The following RUVBL1 variants were observed in gnomAD, a reference collection of about 807,000 sequenced individuals.
RUVBL1 encodes RuvB like AAA ATPase 1, also known as ruvB-like 1.
RUVBL1 carries 4 observed loss-of-function variants against 52.4 expected under a neutral mutation model. The observed-to-expected ratio is 0.08, with a 90% CI of 0.04 to 0.17. RUVBL1 has a LOEUF of 0.17. RUVBL1 is among the 10% of genes least tolerant of loss of function. The pLI, the probability that RUVBL1 is intolerant of heterozygous loss-of-function variation, is 1.00. For missense variants in RUVBL1, 298 were observed against 572.8 expected (o/e 0.52, Z 4.90); for synonymous variants, 217 against 214.4 (o/e 1.01, Z -0.10).
intron 1 of RUVBL1, among the ~76,000 whole-genome samples, chr3:128,121,843 A>G (rs893190147): frequency 3.3e-5 from 5 of 152,026 alleles, no homozygotes; most frequent in Non-Finnish European, 7.4e-5. Context: ...ATGTGCGTTT[A>G]TTTACAGACC....
At chr3:128,094,796 G>A (rs1201938794) in intron 8 of RUVBL1, among the ~76,000 whole-genome samples, 1 of 152,186 alleles carries the variant, frequency 6.6e-6, no homozygotes, top group African/African-American at 2.4e-5. Flanking sequence ...TGGTTCTGGG[G>A]GGTAAGGAAG....
chr3:128,112,846 G>T (rs775361816), intron 3 of RUVBL1, 42 bp downstream of exon 3: 6 of 1,604,378 alleles, frequency 3.7e-6, no homozygotes, highest in Non-Finnish European at 5.1e-6. Context: ...ACAGGCTTCA[G>T]GAAGTGAGAC....
In RUVBL1 at chr3:128,067,809, T is replaced by A. The variant is rs978516174; in HGVS notation, c.940-2589A>T. ...TCAGCTGTGGGTATGAGAATCTGAA[T>A]CCACACTGTAAAGTTAGACTTTTTC... On this transcript the variant is annotated intron_variant, in intron 9 of 9. Coordinates refer to the RUVBL1 transcript ENST00000464873. This position sits in a 1 kb window ranked among gnomAD's most constrained non-coding sequence, Gnocchi z 4.1. 8 of 683,054 alleles carry A rather than the reference T, an allele frequency of 1.2e-5. No homozygotes were observed. The highest frequency in any genetic ancestry group is 1.8e-5 in the Non-Finnish European group (7 of 394,974). The allele number at this position is 683,054 out of a possible 1,614,324, so 42.3% of individuals were successfully genotyped here.
chr3:128,105,126 T>C (rs946987530), intron 3 of RUVBL1, among the ~76,000 whole-genome samples: 2 of 151,600 alleles, frequency 1.3e-5, no homozygotes, highest in Non-Finnish European at 2.9e-5. Context: ...TTTTTTTTTT[T>C]TTTTGAGATA....
At chr3:128,091,366 T>G (rs898662692) in intron 8 of RUVBL1, among the ~76,000 whole-genome samples, 2 of 152,248 alleles carry the variant, frequency 1.3e-5, no homozygotes. Context: ...AAACTGCTAA[T>G]AAGAAGCTGG....
At chr3:128,087,842 C>A in intron 8 of RUVBL1, 34 bp from the exon 9 acceptor site, 1 of 1,469,588 alleles carries the variant, frequency 6.8e-7, no homozygotes, top group Admixed American at 1.7e-5. Flanking sequence ...ATCACCTAAG[C>A]CTCTGTTAGA....
intron 1 of RUVBL1, among the ~76,000 whole-genome samples, chr3:128,120,039 G>A (rs766758703): frequency 5.3e-5 from 8 of 152,202 alleles, no homozygotes; most frequent in Non-Finnish European, 1.0e-4. Context: ...TTAAAAGATG[G>A]TGCTAGCTAC....
chr3:128,077,428 G>A (rs1344777152), downstream of RUVBL1, among the ~76,000 whole-genome samples: 3 of 152,226 alleles, frequency 2.0e-5, no homozygotes, highest in African/African-American at 7.2e-5. Flanking sequence ...GAACTTCTGT[G>A]TGGAGAATGA....
intron 9 of RUVBL1, chr3:128,084,608 T>G (rs1381705126): frequency 1.3e-5 from 2 of 151,984 alleles, no homozygotes; most frequent in Non-Finnish European, 2.9e-5. Flanking sequence ...TCTCTCTCAC[T>G]AGAGAGAGCA....
chr3:128,087,448 G>A (rs1329836584), intron 9 of RUVBL1, among the ~76,000 whole-genome samples: 4 of 152,204 alleles, frequency 2.6e-5, no homozygotes, highest in Non-Finnish European at 5.9e-5. Context: ...ATCAAAGGGG[G>A]AACAGCAGAA....
At chr3:128,099,746 G>C (rs1943071833) in intron 6 of RUVBL1, among the ~76,000 whole-genome samples, 1 of 152,220 alleles carries the variant, frequency 6.6e-6, no homozygotes, top group Non-Finnish European at 1.5e-5. Flanking sequence ...AATGTTTCCT[G>C]TCTGGTCCTC....
intron 1 of RUVBL1, among the ~76,000 whole-genome samples, chr3:128,129,410 A>G (rs1003592464): frequency 6.6e-6 from 1 of 152,196 alleles, no homozygotes; most frequent in African/African-American, 2.4e-5. Flanking sequence ...CAGCAAAAGC[A>G]GTGTTAAGAG....
downstream of RUVBL1, among the ~76,000 whole-genome samples, chr3:128,076,558 G>T (rs1449575879): frequency 6.6e-6 from 1 of 152,202 alleles, no homozygotes; most frequent in Non-Finnish European, 1.5e-5. The surrounding 1 kb of genome is among the most constrained non-coding windows in gnomAD (Gnocchi z 6.8). Context: ...GACCGAAGAG[G>T]CTGGTGGACC....
upstream of RUVBL1, among the ~76,000 whole-genome samples, chr3:128,125,330 T>C (rs1943770228): frequency 6.6e-6 from 1 of 152,172 alleles, no homozygotes; most frequent in Non-Finnish European, 1.5e-5. Context: ...CACCTCCTTG[T>C]ACATCTTGAT....
intron 8 of RUVBL1, among the ~76,000 whole-genome samples, chr3:128,092,564 A>G (rs1438079817): frequency 1.3e-5 from 2 of 152,228 alleles, no homozygotes; most frequent in African/African-American, 4.8e-5. Flanking sequence ...CATTTCTCCA[A>G]AGACAATATA....
downstream of RUVBL1, chr3:128,079,105 T>C (rs899194304): frequency 6.6e-6 from 1 of 152,382 alleles, no homozygotes; most frequent in Admixed American, 6.5e-5. Context: ...TGAGATCTGC[T>C]GTCAGCGCCA....
chr3:128,141,955 A>G (rs1034466059), intron 1 of RUVBL1: 7 of 152,142 alleles, frequency 4.6e-5, no homozygotes, highest in African/African-American at 1.7e-4. Flanking sequence ...TAATTTTAGT[A>G]TATGTGCTGC....
chr3:128,153,024 T>G (rs1287045665), intron 1 of RUVBL1, among the ~76,000 whole-genome samples: 2 of 98,834 alleles, frequency 2.0e-5, no homozygotes, highest in Non-Finnish European at 4.0e-5. Context: ...CCCCCCATGT[T>G]CCGTTTTTGT....
chr3:128,067,691 A>C lies in RUVBL1; in HGVS notation c.940-2471T>G. The C allele has an allele frequency of 8.6e-7, 1 of 1,163,746 alleles. No homozygotes were observed. The highest frequency in any genetic ancestry group is 1.2e-6 in the Non-Finnish European group (1 of 808,506). The allele number at this position is 1,163,746 out of a possible 1,614,324, so 72.1% of individuals were successfully genotyped here. ...GGGTGTGGACTTGTCACCTCATCAT[A>C]AATAATGGTCTGTGACGTGTGCAGA... On this transcript the variant is annotated intron_variant, in intron 9 of 9. Coordinates refer to the RUVBL1 transcript ENST00000464873. The surrounding 1 kb of genome is among the most constrained non-coding windows in gnomAD (Gnocchi z 4.1).
Sources: allele counts gnomAD v4.1 joint callset (sites outside exome capture counted in the v4.1 genomes callset), GRCh38; gene constraint gnomAD v4.1.1; non-coding constraint Gnocchi (gnomAD v3.1); transcripts MANE v1.5; gene names NCBI Gene and HGNC (gene_info 2026-07-23, HGNC 2026-07-21).